FBXW7: variants seen among roughly 807,000 people sequenced by gnomAD.
FBXW7 encodes F-box and WD repeat domain containing 7.
A neutral mutation model predicts 86.3 loss-of-function variants in FBXW7; 11 were observed. The ratio of observed to expected loss-of-function variants is 0.13; its 90% confidence interval spans 0.08 to 0.21. FBXW7 has a LOEUF of 0.21. Among genes scored for constraint, FBXW7 ranks in the 10% least tolerant of loss-of-function variants. The pLI is 1.00. For synonymous variants in FBXW7, 313 were observed against 297.9 expected, an observed-to-expected ratio of 1.05 and a Z score of -0.52; for missense variants, 488 against 847.4, an observed-to-expected ratio of 0.58 and a Z score of 5.27.
intron 4 of FBXW7, among the ~76,000 whole-genome samples, chr4:152,359,218 T>G (rs1455969244): frequency 1.3e-5 from 2 of 152,130 alleles, no homozygotes; most frequent in Non-Finnish European, 2.9e-5. Flanking sequence ...TCACCTCCTA[T>G]GTCCCAATAT....
intron 7 of FBXW7, among the ~76,000 whole-genome samples, chr4:152,334,875 T>A (rs1729914146): frequency 6.6e-6 from 1 of 152,034 alleles, no homozygotes; most frequent in Admixed American, 6.6e-5. Context: ...GCCAGTTCCA[T>A]CAAAACATCT....
intron 2 of FBXW7, among the ~76,000 whole-genome samples, chr4:152,484,031 C>T (rs1322845563): frequency 2.0e-5 from 3 of 152,106 alleles, no homozygotes; most frequent in African/African-American, 4.8e-5. Flanking sequence ...ATTAATTTTA[C>T]AGACTAGAAC....
chr4:152,323,241 T>C (rs2126468526), intron 13 of FBXW7, 92 bp from the exon 14 acceptor site: 1 of 1,352,318 alleles, frequency 7.4e-7, no homozygotes, highest in Non-Finnish European at 1.0e-6. Context: ...CTTTAGAACA[T>C]ACAATAAATG....
chr4:152,431,285 T>G (rs576377178), intron 2 of FBXW7, among the ~76,000 whole-genome samples: 1 of 152,302 alleles, frequency 6.6e-6, no homozygotes, highest in South Asian at 2.1e-4. Context: ...TTGCATTTCA[T>G]GAATCAGGGC....
chr4:152,486,126 T>G (rs145055723), intron 2 of FBXW7, among the ~76,000 whole-genome samples: 2 of 152,216 alleles, frequency 1.3e-5, no homozygotes, highest in East Asian at 3.9e-4. Flanking sequence ...AAAAGATTTT[T>G]TAAAATCATA....
At chr4:152,335,304 C>T (rs1056035820) in intron 7 of FBXW7, among the ~76,000 whole-genome samples, 1 of 151,908 alleles carries the variant, frequency 6.6e-6, no homozygotes, top group Non-Finnish European at 1.5e-5. Flanking sequence ...CCACCACCCC[C>T]ACCCCGCAAA....
At chr4:152,477,871 A>G (rs557102883) in intron 2 of FBXW7, among the ~76,000 whole-genome samples, 10 of 152,266 alleles carry the variant, frequency 6.6e-5, no homozygotes, top group South Asian at 2.1e-4. Context: ...AGGACAATAA[A>G]TAACATGATA....
chr4:152,321,523 T>C lies in FBXW7; in HGVS notation c.*1358A>G, dbSNP rs1728558528. The C allele has an allele frequency of 4.3e-6, 1 of 233,022 alleles. No homozygotes were observed. The highest frequency in any genetic ancestry group is 2.2e-5 in the African/African-American group (1 of 45,300). The allele number at this position is 233,022 out of a possible 1,614,324, so 14.4% of individuals were successfully genotyped here. ...ACAGTTCAGCTTGAGTTGTGGCTCT[T>C]GGAGAATGAGGCAAACCATTTGACT... On this transcript the variant is annotated 3_prime_UTR_variant, in exon 14 of 14. Coordinates refer to ENST00000281708, the MANE Select transcript of FBXW7 (RefSeq NM_001349798.2).
At chr4:152,447,215 T>G (rs1294458014) in intron 2 of FBXW7, among the ~76,000 whole-genome samples, 3 of 152,222 alleles carry the variant, frequency 2.0e-5, no homozygotes, top group African/African-American at 7.2e-5. Flanking sequence ...CCGTTTCTAC[T>G]ACAGTAAATT....
chr4:152,333,648 A>G (rs927996282), intron 7 of FBXW7, among the ~76,000 whole-genome samples: 22 of 152,194 alleles, frequency 1.4e-4, no homozygotes, highest in Non-Finnish European at 1.0e-4. Context: ...ATTATCCGTT[A>G]AAGGGTCAAG....
chr4:152,389,541 T>A lies in FBXW7; in HGVS notation c.501+21762A>T, dbSNP rs542732166. Reference sequence around the variant, plus strand: ...TCAAATACCACGTTTCACTTACAAGTGAAAGCTAAGTAAAGTGTACACATG... The same window carrying A: ...TCAAATACCACGTTTCACTTACAAGAGAAAGCTAAGTAAAGTGTACACATG... On this transcript the variant is annotated intron_variant, in intron 4 of 13. Coordinates refer to ENST00000281708, the MANE Select transcript of FBXW7 (RefSeq NM_001349798.2). Among the ~76,000 whole-genome samples, 12 of 152,096 alleles carry A rather than the reference T, an allele frequency of 7.9e-5. No individual in the cohort carries two copies. In the South Asian group the frequency reaches 2.5e-3, roughly 32 times the overall value.
At chr4:152,524,966 T>C (rs1033519720) in intron 2 of FBXW7, among the ~76,000 whole-genome samples, 1 of 152,140 alleles carries the variant, frequency 6.6e-6, no homozygotes, top group Non-Finnish European at 1.5e-5. Context: ...ACAACCCAAA[T>C]ATTTATTTAC....
intron 2 of FBXW7, among the ~76,000 whole-genome samples, chr4:152,517,039 T>G (rs1410741805): frequency 1.3e-5 from 2 of 152,098 alleles, no homozygotes; most frequent in African/African-American, 4.8e-5. Flanking sequence ...GTCCAGCTGG[T>G]CTCGAACTCC....
intron 12 of FBXW7, 122 bp downstream of exon 12, chr4:152,325,884 C>G (rs1728970760): frequency 1.5e-6 from 1 of 677,934 alleles, no homozygotes; most frequent in Non-Finnish European, 2.4e-6. Context: ...ATAAAAACAG[C>G]AGAATAATCT....
intron 2 of FBXW7, among the ~76,000 whole-genome samples, chr4:152,461,065 G>A (rs1196006696): frequency 1.3e-5 from 2 of 152,134 alleles, no homozygotes; most frequent in Non-Finnish European, 2.9e-5. Flanking sequence ...CAGATCACCT[G>A]AGGTCGGGAG....
At chr4:152,399,973 CA>C (rs986479093) in intron 4 of FBXW7, among the ~76,000 whole-genome samples, 1 of 152,020 alleles carries the variant, frequency 6.6e-6, no homozygotes, top group East Asian at 1.9e-4. Flanking sequence ...TATGGAGAGG[CA>C]AAAGACCCAG....
intron 2 of FBXW7, among the ~76,000 whole-genome samples, chr4:152,493,138 A>G (rs1746016188): frequency 6.6e-6 from 1 of 151,886 alleles, no homozygotes; most frequent in Non-Finnish European, 1.5e-5. Context: ...AATGAAAACC[A>G]AAGAGTTTAA....
intron 6 of FBXW7, 49 bp from the exon 7 acceptor site, chr4:152,337,985 T>A (rs2126586905): frequency 6.4e-7 from 1 of 1,557,428 alleles, no homozygotes; most frequent in Non-Finnish European, 8.7e-7. Flanking sequence ...ATGTCCCAAA[T>A]TACAGGCTTA....
intron 4 of FBXW7, among the ~76,000 whole-genome samples, chr4:152,399,922 C>T (rs1736763976): frequency 6.6e-6 from 1 of 152,070 alleles, no homozygotes; most frequent in Non-Finnish European, 1.5e-5. Flanking sequence ...AATCAAAATC[C>T]CAGCAAGTAA....
Sources: allele counts gnomAD v4.1 joint callset (sites outside exome capture counted in the v4.1 genomes callset), GRCh38; gene constraint gnomAD v4.1.1; transcripts MANE v1.5; gene names NCBI Gene and HGNC (gene_info 2026-07-23, HGNC 2026-07-21).